Variants in C1QTNF2 observed in about 807,000 individuals in gnomAD.
The protein encoded by C1QTNF2 is complement C1q tumor necrosis factor-related protein 2.
A neutral mutation model predicts 17.4 loss-of-function variants in C1QTNF2; 15 were observed. The observed-to-expected ratio is 0.86, with a 90% CI of 0.58 to 1.33. C1QTNF2 has a LOEUF of 1.33. C1QTNF2 is among the 40% of genes most tolerant of loss of function. C1QTNF2 has a pLI of 0.00. For missense variants in C1QTNF2, 381 were observed against 392.3 expected, an observed-to-expected ratio of 0.97 and a Z score of 0.24; for synonymous variants, 154 against 163.3, an observed-to-expected ratio of 0.94 and a Z score of 0.44.
intron 1 of C1QTNF2, among the ~76,000 whole-genome samples, chr5:160,370,227 G>A (rs1453446215): frequency 1.3e-5 from 2 of 152,192 alleles, no homozygotes; most frequent in Non-Finnish European, 2.9e-5. Context: ...CACAAAGTAG[G>A]CGCTCAATAA....
Position 160,349,661 on chromosome 5 carries a change from G to A in C1QTNF2, c.365C>T (p.Thr122Ile), listed in dbSNP as rs143543627. ...GCCCTTGGGCCCCTTCTTGCCTGGT[G>A]TGCCATGCTTCCCGGGGGTACCGTT... ...GVNGTPGKHG[T>I]PGKKGPKGKK... The change falls in exon 3 of 3, where the codon ACA becomes ATA. Residue 122 changes from threonine (T) to isoleucine (I), a missense_variant. Physicochemically the swap from Thr to Ile is moderately conservative, Grantham distance 89. Transcript: ENST00000652664. This position sits in a 1 kb window ranked among gnomAD's most constrained non-coding sequence, Gnocchi z 4.3. 315 of 1,613,486 alleles carry A rather than the reference G, an allele frequency of 2.0e-4. No individual in the cohort carries two copies. Among genetic ancestry groups the A allele is most frequent in the Non-Finnish European group, 2.5e-4 (297 of 1,179,982 alleles).
chr5:160,351,715 AG>A (rs1367176694), intron 2 of C1QTNF2, among the ~76,000 whole-genome samples: 1 of 152,172 alleles, frequency 6.6e-6, no homozygotes, highest in Non-Finnish European at 1.5e-5. Flanking sequence ...GTAAGTAAGG[AG>A]GACTTTTGCT....
intron 1 of C1QTNF2, among the ~76,000 whole-genome samples, chr5:160,360,312 G>A (rs543954246): frequency 6.6e-6 from 1 of 152,298 alleles, no homozygotes; most frequent in East Asian, 1.9e-4. Flanking sequence ...AGAAATATTT[G>A]CTTAATTAGT....
chr5:160,355,727 C>T (rs987984325), intron 1 of C1QTNF2, among the ~76,000 whole-genome samples: 3 of 152,220 alleles, frequency 2.0e-5, no homozygotes, highest in African/African-American at 7.2e-5. Context: ...GCCTGTGGGC[C>T]GCATGCACCC....
rs996677235 is a variant in C1QTNF2, at chr5:160,348,648, T to C, written c.*520A>G. On this transcript the variant is annotated 3_prime_UTR_variant, in exon 3 of 3. Transcript: ENST00000652664. ...TTGTTCTTTGATCTACATGGAGGTT[T>C]CAGAGTGTGCACATAAGCAAAAATT... 6.5e-6 allele frequency: 1 copy of C among 154,290 alleles called. No homozygotes were observed. The highest frequency in any genetic ancestry group is 2.4e-5 in the African/African-American group (1 of 41,466). The allele number at this position is 154,290 out of a possible 1,614,324, so 9.6% of individuals were successfully genotyped here. A position where few individuals can be genotyped will look rare whatever the true frequency, so the allele number is the denominator to read the frequency against.
At position 160,349,008 on chromosome 5, in the gene C1QTNF2, G is replaced by C; in HGVS notation, c.*160C>G. On this transcript the variant is annotated 3_prime_UTR_variant, in exon 3 of 3. Coordinates refer to ENST00000652664, the MANE Select transcript of C1QTNF2 (RefSeq NM_031908.6). The surrounding 1 kb of genome is among the most constrained non-coding windows in gnomAD (Gnocchi z 4.3). The stretch of plus-strand genomic sequence containing the variant: ...AATAGATGGTTGGATGAATAAAAAG[G>C]TTTGGATTTAATGAAGGGGAAAAAA... The C allele has an allele frequency of 2.5e-6, 2 of 811,422 alleles. No homozygotes were observed. The highest frequency in any genetic ancestry group is 1.9e-6 in the Non-Finnish European group (1 of 525,124). The allele number at this position is 811,422 out of a possible 1,614,324, so 50.3% of individuals were successfully genotyped here. A position where few individuals can be genotyped will look rare whatever the true frequency, so the allele number is the denominator to read the frequency against.
Position 160,349,306 on chromosome 5 carries a change from A to G in C1QTNF2, c.720T>C (p.Ala240=). 1 of 1,614,100 alleles carries G rather than the reference A, an allele frequency of 6.2e-7. No homozygotes were observed. Residue 240 remains alanine, a synonymous_variant, in exon 3 of 3, where the codon GCT becomes GCC. Coordinates refer to ENST00000652664, the MANE Select transcript of C1QTNF2 (RefSeq NM_031908.6). This position sits in a 1 kb window ranked among gnomAD's most constrained non-coding sequence, Gnocchi z 4.3. ...GCCAAACTTCGTCACCCTGCTTGAGAGCCAGGATGGTGGAGCCTGAGGCCA... is the reference window on the plus strand; with the variant it reads ...GCCAAACTTCGTCACCCTGCTTGAGGGCCAGGATGGTGGAGCCTGAGGCCA... The part of the protein sequence containing the change: ...HDVASGSTIL[A]LKQGDEVWLQ...
At chr5:160,368,127 G>A (rs1056816962) in intron 1 of C1QTNF2, among the ~76,000 whole-genome samples, 5 of 152,176 alleles carry the variant, frequency 3.3e-5, no homozygotes, top group African/African-American at 1.2e-4. Flanking sequence ...GCAGTGATGT[G>A]TATGCGCATG....
In C1QTNF2 at chr5:160,349,624, C is replaced by T. The variant is rs779347964; in HGVS notation, c.402G>A (p.Glu134=). The stretch of plus-strand genomic sequence containing the variant: ...AGCTGCAGGGGCCTGGGAGGCCTGG[C>T]TCCCCCTTCTTGCCCTTGGGCCCCT... ...GKKGPKGKKG[E]PGLPGPCSCG... The change falls in exon 3 of 3, where the codon GAG becomes GAA. Residue 134 remains glutamate, a synonymous_variant. Coordinates refer to ENST00000652664, the MANE Select transcript of C1QTNF2 (RefSeq NM_031908.6). The surrounding 1 kb of genome is among the most constrained non-coding windows in gnomAD (Gnocchi z 4.3). 2.0e-5 allele frequency: 33 copies of T among 1,613,654 alleles called. No individual in the cohort carries two copies. The highest frequency in any genetic ancestry group is 2.7e-5 in the Non-Finnish European group (32 of 1,179,956).
intron 2 of C1QTNF2, among the ~76,000 whole-genome samples, chr5:160,350,332 G>T (rs1763893749): frequency 6.6e-6 from 1 of 152,084 alleles, no homozygotes; most frequent in African/African-American, 2.4e-5. Flanking sequence ...AAAAAAAAAA[G>T]TAGAGTTACG....
chr5:160,365,580 C>T (rs1764232701), intron 1 of C1QTNF2, among the ~76,000 whole-genome samples: 1 of 151,988 alleles, frequency 6.6e-6, no homozygotes, highest in African/African-American at 2.4e-5. Context: ...CTCACCCCGC[C>T]ATCTCTACAA....
At chr5:160,358,408 A>AG in intron 1 of C1QTNF2, among the ~76,000 whole-genome samples, 1 of 152,248 alleles carries the variant, frequency 6.6e-6, no homozygotes, top group South Asian at 2.1e-4. Context: ...GGGTGCTTAG[A>AG]GGGGCACTAA....
At position 160,349,810 on chromosome 5, in the gene C1QTNF2, AG is replaced by A. The variant is rs746699667; in HGVS notation, c.245-30del. On this transcript the variant is annotated intron_variant, in intron 2 of 2. Coordinates refer to ENST00000652664, the MANE Select transcript of C1QTNF2 (RefSeq NM_031908.6). This position sits in a 1 kb window ranked among gnomAD's most constrained non-coding sequence, Gnocchi z 4.3. ...GAAGACAGAGCAGCTGGTGTTATGG[AG>A]GGTCCTCACAGACCTAGGCAGAGGG... 6.6e-7 allele frequency: 1 copy of A among 1,510,560 alleles called. No homozygotes were observed. The highest frequency in any genetic ancestry group is 2.3e-5 in the Admixed American group (1 of 44,326). 93.6% of individuals were successfully genotyped at this position (1,510,560 alleles called of 1,614,324 possible). A position where few individuals can be genotyped will look rare whatever the true frequency, so the allele number is the denominator to read the frequency against.
chr5:160,349,881 G>T lies in C1QTNF2; in HGVS notation c.245-100C>A. On this transcript the variant is annotated intron_variant, in intron 2 of 2. Transcript: ENST00000652664. The surrounding 1 kb of genome is among the most constrained non-coding windows in gnomAD (Gnocchi z 4.3). The stretch of plus-strand genomic sequence containing the variant: ...TCCAATCTTGGAGAAGGAGTGCTTG[G>T]GTAATAGAAAGAACAAGAAGGCTTT... The T allele has an allele frequency of 7.3e-7, 1 of 1,365,646 alleles. No homozygotes were observed. Among genetic ancestry groups the T allele is most frequent in the Non-Finnish European group, 9.7e-7 (1 of 1,030,678 alleles). The allele number at this position is 1,365,646 out of a possible 1,614,324, so 84.6% of individuals were successfully genotyped here.
intron 1 of C1QTNF2, among the ~76,000 whole-genome samples, chr5:160,366,085 G>A (rs1764243143): frequency 6.6e-6 from 1 of 152,164 alleles, no homozygotes; most frequent in Admixed American, 6.5e-5. Flanking sequence ...CCTATTTGTA[G>A]TCTTTCATCC....
chr5:160,349,552 C>G lies in C1QTNF2; in HGVS notation c.474G>C (p.Lys158Asn). The change falls in exon 3 of 3, where the codon AAG becomes AAC. Residue 158 changes from lysine to asparagine, a missense_variant. Physicochemically the swap from Lys to Asn is moderately conservative, Grantham distance 94 (BLOSUM62 0). Coordinates refer to ENST00000652664, the MANE Select transcript of C1QTNF2 (RefSeq NM_031908.6). This position sits in a 1 kb window ranked among gnomAD's most constrained non-coding sequence, Gnocchi z 4.3. ...TGGGCAGCCGCTCCCGTGGGTAGCT[C>G]TTGGTCACTGCCACCGAGAAAGCTG... Reference protein sequence around the residue: ...TKSAFSVAVTKSYPRERLPIK... With the variant: ...TKSAFSVAVTNSYPRERLPIK... 2 of 1,612,104 alleles carry G rather than the reference C, an allele frequency of 1.2e-6. No homozygotes were observed. Among genetic ancestry groups the G allele is most frequent in the Non-Finnish European group, 1.7e-6 (2 of 1,179,384 alleles).
rs536938329 is a variant in C1QTNF2, at chr5:160,349,541, C to T, written c.485G>A (p.Arg162Gln). 22 of 1,613,968 alleles carry T rather than the reference C, an allele frequency of 1.4e-5. No individual in the cohort carries two copies. The highest frequency in any genetic ancestry group is 1.3e-4 in the African/African-American group (10 of 75,052). ...GTCAAACTTGATGGGCAGCCGCTCC[C>T]GTGGGTAGCTCTTGGTCACTGCCAC... ...FSVAVTKSYP[R>Q]ERLPIKFDKI... Residue 162 changes from arginine to glutamine, a missense_variant, in exon 3 of 3, where the codon CGG (arginine) becomes CAG (glutamine). Transcript: ENST00000652664. This position sits in a 1 kb window ranked among gnomAD's most constrained non-coding sequence, Gnocchi z 4.3.
At chr5:160,362,101 C>A (rs2113528572) in intron 1 of C1QTNF2, among the ~76,000 whole-genome samples, 1 of 152,228 alleles carries the variant, frequency 6.6e-6, no homozygotes, top group South Asian at 2.1e-4. Context: ...CTGGAATAAT[C>A]CAGGGTGGTC....
At chr5:160,355,286 C>T (rs754528569) in intron 1 of C1QTNF2, 33 of 979,544 alleles carry the variant, frequency 3.4e-5, no homozygotes, top group Non-Finnish European at 4.0e-5. Context: ...CCATCATCTT[C>T]CAGAGTGGCT....
Sources: gnomAD v4.1 joint callset for allele counts (sites outside exome capture counted in the v4.1 genomes callset) on GRCh38, gnomAD v4.1.1 for gene constraint, Gnocchi (gnomAD v3.1) non-coding constraint, MANE v1.5 for transcripts, NCBI Gene and HGNC (gene_info 2026-07-23, HGNC 2026-07-21) for gene names.